PTP4A1: variants seen among roughly 807,000 people sequenced by gnomAD.
The protein encoded by PTP4A1 is protein tyrosine phosphatase 4A1.
A neutral mutation model predicts 20.5 loss-of-function variants in PTP4A1; 9 were observed. The ratio of observed to expected loss-of-function variants is 0.44; its 90% CI spans 0.26 to 0.77. The LOEUF (loss-of-function observed/expected upper bound fraction) is 0.77. Among genes scored for constraint, PTP4A1 ranks in the 30% least tolerant of loss-of-function variants. The pLI, the probability that PTP4A1 is intolerant of heterozygous loss-of-function variation, is 0.19. For missense variants in PTP4A1, 137 were observed against 218.8 expected (o/e 0.63, Z 2.36); for synonymous variants, 78 against 67.4 (o/e 1.16, Z -0.77).
intron 2 of PTP4A1, among the ~76,000 whole-genome samples, chr6:63,536,666 CA>C (rs1356677348): frequency 1.3e-5 from 2 of 152,172 alleles, no homozygotes; most frequent in African/African-American, 4.8e-5. Context: ...GTTTTATCCA[CA>C]AGGATAATAA....
At chr6:63,559,192 G>A (rs1286501528) in intron 3 of PTP4A1, among the ~76,000 whole-genome samples, 4 of 152,036 alleles carry the variant, frequency 2.6e-5, no homozygotes, top group Non-Finnish European at 5.9e-5. Context: ...ATGCTAATGA[G>A]GAAAAATATC....
At chr6:63,543,710 T>C (rs1776072844) in intron 2 of PTP4A1, among the ~76,000 whole-genome samples, 1 of 152,148 alleles carries the variant, frequency 6.6e-6, no homozygotes, top group South Asian at 2.1e-4. Context: ...TAATCTTTAC[T>C]GAAAGACCTG....
At chr6:63,572,834 G>A (rs1197927756) in intron 1 of PTP4A1, 115 bp downstream of exon 1, 2 of 395,426 alleles carry the variant, frequency 5.1e-6, no homozygotes, top group East Asian at 7.2e-5. Context: ...CCGGGTTGCG[G>A]TTCCGGTGGG....
upstream of PTP4A1, among the ~76,000 whole-genome samples, chr6:63,569,183 C>T (rs145197093): frequency 0.016 from 2,456 of 152,268 alleles, 71 homozygotes; most frequent in African/African-American, 0.056. Context: ...CTCTGTTCTT[C>T]TTCATCAAGA....
At chr6:63,540,822 C>A (rs1775931113) in intron 2 of PTP4A1, among the ~76,000 whole-genome samples, 3 of 149,770 alleles carry the variant, frequency 2.0e-5, no homozygotes, top group Admixed American at 1.3e-4. Context: ...AATGGTGAAA[C>A]GCCATCTCTG....
chr6:63,541,192 G>A (rs1268854569), intron 2 of PTP4A1, among the ~76,000 whole-genome samples: 1 of 152,044 alleles, frequency 6.6e-6, no homozygotes, highest in Non-Finnish European at 1.5e-5. Context: ...AATCAAAGCA[G>A]GTTTTCTTCT....
At chr6:63,531,084 AAGAT>A (rs1364160303) in intron 2 of PTP4A1, among the ~76,000 whole-genome samples, 2 of 152,178 alleles carry the variant, frequency 1.3e-5, no homozygotes, top group East Asian at 3.8e-4. Flanking sequence ...TGTGTGTCCA[AAGAT>A]AGATCAGGTT....
upstream of PTP4A1, among the ~76,000 whole-genome samples, chr6:63,568,521 CAAT>C (rs1324967608): frequency 1.3e-5 from 2 of 151,706 alleles, no homozygotes; most frequent in Non-Finnish European, 2.9e-5. Context: ...ATAACAAATG[CAAT>C]AATAATTTAA....
At chr6:63,549,717 A>G (rs1289081299) in intron 2 of PTP4A1, among the ~76,000 whole-genome samples, 2 of 152,136 alleles carry the variant, frequency 1.3e-5, no homozygotes, top group East Asian at 1.9e-4. Context: ...CTAAAGTTAA[A>G]CACAGATTGT....
At chr6:63,578,831 A>C (rs1280499630) in intron 3 of PTP4A1, 67 bp from the exon 4 acceptor site, 2 of 1,352,960 alleles carry the variant, frequency 1.5e-6, no homozygotes, top group African/African-American at 1.5e-5. Flanking sequence ...CCATGTTAGA[A>C]ATTTAGAATT....
intron 2 of PTP4A1, among the ~76,000 whole-genome samples, chr6:63,533,918 A>G (rs1050203605): frequency 2.5e-4 from 38 of 150,418 alleles, no homozygotes; most frequent in African/African-American, 9.3e-4. Flanking sequence ...ATCTCGGCTC[A>G]TTACAACCTC....
chr6:63,547,212 T>C (rs189392982), intron 2 of PTP4A1, among the ~76,000 whole-genome samples: 9 of 146,068 alleles, frequency 6.2e-5, no homozygotes, highest in African/African-American at 1.8e-4. Context: ...TTTTTTGAGA[T>C]GGAGTCTTGT....
chr6:63,549,996 T>C (rs1434552291), intron 2 of PTP4A1, among the ~76,000 whole-genome samples: 1 of 152,190 alleles, frequency 6.6e-6, no homozygotes, highest in African/African-American at 2.4e-5. Context: ...ATGTTTGAGA[T>C]GAGGAACACA....
intron 3 of PTP4A1, among the ~76,000 whole-genome samples, chr6:63,555,091 A>C (rs1385679995): frequency 6.6e-6 from 1 of 152,112 alleles, no homozygotes; most frequent in African/African-American, 2.4e-5. Flanking sequence ...ATTTCTTTTC[A>C]TCTTTCCACT....
intron 2 of PTP4A1, among the ~76,000 whole-genome samples, chr6:63,531,435 A>T (rs753459076): frequency 4.7e-4 from 71 of 152,032 alleles, no homozygotes; most frequent in Non-Finnish European, 7.6e-4. Context: ...TTAATGCAAA[A>T]TGCCTACATA....
intron 1 of PTP4A1, among the ~76,000 whole-genome samples, chr6:63,575,783 CAT>C (rs1183665378): frequency 3.3e-5 from 5 of 152,108 alleles, no homozygotes; most frequent in Non-Finnish European, 7.4e-5. Context: ...TTCAGAGACT[CAT>C]TTTCCTCGTC....
At chr6:63,540,697 T>A (rs1775924951) in intron 2 of PTP4A1, among the ~76,000 whole-genome samples, 1 of 151,994 alleles carries the variant, frequency 6.6e-6, no homozygotes, top group African/African-American at 2.4e-5. Context: ...ACCATTTATG[T>A]AAGTTAAAAT....
chr6:63,547,212 T>G (rs189392982), intron 2 of PTP4A1, among the ~76,000 whole-genome samples: 1,709 of 146,062 alleles, frequency 0.012, 10 homozygotes, highest in Non-Finnish European at 0.018. Flanking sequence ...TTTTTTGAGA[T>G]GGAGTCTTGT....
At chr6:63,550,418 C>CT (rs1448986718) in exon 3 of PTP4A1, 1 of 152,048 alleles carries the variant, frequency 6.6e-6, no homozygotes, top group Admixed American at 6.6e-5. Context: ...ACGACTCTAC[C>CT]TGAGGGTGAA....
Sources: allele counts gnomAD v4.1 joint callset (sites outside exome capture counted in the v4.1 genomes callset), GRCh38; gene constraint gnomAD v4.1.1; transcripts MANE v1.5; gene names NCBI Gene and HGNC (gene_info 2026-07-23, HGNC 2026-07-21).